Variants in ADAMTS17 observed in about 807,000 individuals in gnomAD.
ADAMTS17 encodes the protein A disintegrin and metalloproteinase with thrombospondin motifs 17.
In ADAMTS17, 113 loss-of-function variants were observed where a neutral mutation model predicts 141.5. That is an observed-to-expected ratio of 0.80 (90% CI 0.69 to 0.93). The LOEUF (loss-of-function observed/expected upper bound fraction) is 0.93. Among genes scored for constraint, ADAMTS17 ranks in the 40% least tolerant of loss-of-function variants. The pLI is 0.00. For synonymous variants in ADAMTS17, 768 were observed against 630.6 expected (o/e 1.22, Z -3.27); for missense variants, 1,659 against 1,517.9 (o/e 1.09, Z -1.54).
intron 7 of ADAMTS17, among the ~76,000 whole-genome samples, chr15:100,250,301 A>T (rs2043114034): frequency 6.6e-6 from 1 of 152,214 alleles, no homozygotes. Context: ...TTTCCTAGTT[A>T]TCTCGAGGTA....
At chr15:100,168,877 T>A (rs1334512659) in intron 8 of ADAMTS17, among the ~76,000 whole-genome samples, 1 of 152,246 alleles carries the variant, frequency 6.6e-6, no homozygotes, top group Non-Finnish European at 1.5e-5. Context: ...CTCCCGTTGA[T>A]GTCCCTGATT....
rs149633676 is a variant in ADAMTS17 at position 100,268,918 on chromosome 15, T to C, written c.790-6483A>G. 1.7e-3 allele frequency among the ~76,000 whole-genome samples: 266 copies of C among 152,174 alleles called. 1 individual carries two copies. Among genetic ancestry groups the C allele is most frequent in the African/African-American group, 6.2e-3 (256 of 41,482 alleles). On this transcript the variant is annotated intron_variant, in intron 4 of 21. Coordinates refer to ENST00000268070, the MANE Select transcript of ADAMTS17 (RefSeq NM_139057.4). The stretch of plus-strand genomic sequence containing the variant: ...CAGTAACCAAAAAACATAGCACTTA[T>C]ACAAAAACAAGACACACAGACCAAT...
At chr15:100,208,403 G>A (rs1034802531) in intron 7 of ADAMTS17, among the ~76,000 whole-genome samples, 1 of 152,226 alleles carries the variant, frequency 6.6e-6, no homozygotes, top group Non-Finnish European at 1.5e-5. Flanking sequence ...TACCTGTGCA[G>A]AGGGAAGGGG....
At chr15:100,194,251 C>T (rs995861898) in intron 8 of ADAMTS17, among the ~76,000 whole-genome samples, 2 of 152,064 alleles carry the variant, frequency 1.3e-5, no homozygotes, top group African/African-American at 2.4e-5. Context: ...TCCTGGGTTT[C>T]CCTAGGCCCA....
intron 7 of ADAMTS17, among the ~76,000 whole-genome samples, chr15:100,224,686 C>T (rs1333329455): frequency 6.6e-6 from 1 of 152,212 alleles, no homozygotes; most frequent in African/African-American, 2.4e-5. Flanking sequence ...CCTAGGATTA[C>T]ATCTCCCAAG....
intron 3 of ADAMTS17, among the ~76,000 whole-genome samples, chr15:100,299,792 C>A (rs951442117): frequency 2.0e-5 from 3 of 152,274 alleles, no homozygotes; most frequent in Admixed American, 1.3e-4. Flanking sequence ...GCAACCCACA[C>A]TCTTCACCTT....
chr15:100,146,033 T>G (rs8039945), intron 10 of ADAMTS17, among the ~76,000 whole-genome samples: 5 of 152,056 alleles, frequency 3.3e-5, no homozygotes, highest in Admixed American at 2.0e-4. Flanking sequence ...ATTAGCTGGG[T>G]GTGGTGGCGC....
chr15:100,022,545 T>C (rs1251835903), intron 18 of ADAMTS17, among the ~76,000 whole-genome samples: 2 of 152,186 alleles, frequency 1.3e-5, no homozygotes, highest in Non-Finnish European at 2.9e-5. Flanking sequence ...GCCGGGCAGA[T>C]GTTCTTCAGG....
chr15:100,318,236 A>G (rs59065804), intron 3 of ADAMTS17, among the ~76,000 whole-genome samples: 12,051 of 152,082 alleles, frequency 0.079, 969 homozygotes, highest in East Asian at 0.25. Context: ...GTCAGACAAC[A>G]AGAAGGACCT....
At chr15:100,058,308 C>CCCCTATCCCGGCTCTAACCCT in intron 15 of ADAMTS17, among the ~76,000 whole-genome samples, 1 of 19,498 alleles carries the variant, frequency 5.1e-5, no homozygotes, top group African/African-American at 2.3e-4. Flanking sequence ...GCTCTAACAC[C>CCCCTATCCCGGCTCTAACCCT]CCTATCCCGG....
At position 100,108,990 on chromosome 15, in the gene ADAMTS17, T is replaced by C. The variant is rs757782720; in HGVS notation, c.2015A>G (p.Gln672Arg). Residue 672 changes from glutamine (Q) to arginine (R), a missense_variant and splice_region_variant, in exon 14 of 22, where the codon CAG becomes CGG. Transcript: ENST00000268070. ...ETDLCVHGKC[Q>R]KIGCDGIIGS... ...AGGACCGAAGGAGAAGTACGTCACC[T>C]GGCACTTGCCGTGCACGCAGAGATC... The C allele has an allele frequency of 1.9e-6, 3 of 1,613,966 alleles. No homozygotes were observed. The highest frequency in any genetic ancestry group is 1.7e-6 in the Non-Finnish European group (2 of 1,180,002).
intron 20 of ADAMTS17, among the ~76,000 whole-genome samples, chr15:99,983,701 G>A (rs1361795236): frequency 6.6e-6 from 1 of 152,166 alleles, no homozygotes; most frequent in African/African-American, 2.4e-5. Flanking sequence ...TCTGGGGTGA[G>A]CACAAGCCCA....
rs992659688 is a variant in ADAMTS17 at position 100,205,396 on chromosome 15, G to A, written c.1076-5973C>T. On this transcript the variant is annotated intron_variant, in intron 7 of 21. Coordinates refer to ENST00000268070, the MANE Select transcript of ADAMTS17 (RefSeq NM_139057.4). ...CGGGAGAGGGGAAGGAAAGAGAAAC[G>A]AATAAGTGGTGATGTTCAAAAGGCC... 1.3e-4 allele frequency among the ~76,000 whole-genome samples: 20 copies of A among 152,280 alleles called. 1 individual carries two copies. The highest frequency in any genetic ancestry group is 5.2e-4 in the Admixed American group (8 of 15,304).
At chr15:100,261,674 C>A (rs1433566698) in intron 5 of ADAMTS17, 38 bp from the exon 6 acceptor site, 2 of 1,599,818 alleles carry the variant, frequency 1.3e-6, no homozygotes, top group South Asian at 2.3e-5. Flanking sequence ...AAACAAACGC[C>A]TGGGAGGCCA....
intron 7 of ADAMTS17, among the ~76,000 whole-genome samples, chr15:100,233,113 G>C (rs144949690): frequency 6.6e-6 from 1 of 152,302 alleles, no homozygotes; most frequent in African/African-American, 2.4e-5. Flanking sequence ...TGGATCACCT[G>C]AGGTCAGGAG....
intron 10 of ADAMTS17, among the ~76,000 whole-genome samples, chr15:100,137,866 A>G (rs1295707172): frequency 2.0e-5 from 3 of 151,466 alleles, no homozygotes; most frequent in African/African-American, 7.3e-5. Context: ...CCCTTTCACT[A>G]CCAACACCCA....
intron 18 of ADAMTS17, among the ~76,000 whole-genome samples, chr15:100,043,244 G>A (rs1027144278): frequency 1.3e-5 from 2 of 152,192 alleles, no homozygotes; most frequent in Non-Finnish European, 2.9e-5. Context: ...CAGATCTTAG[G>A]TGCTATTTTC....
chr15:100,051,689 A>G lies in ADAMTS17; in HGVS notation c.2338T>C (p.Tyr780His). 2 of 1,614,240 alleles carry G rather than the reference A, an allele frequency of 1.2e-6. No homozygotes were observed. Among genetic ancestry groups the G allele is most frequent in the Non-Finnish European group, 1.7e-6 (2 of 1,180,052 alleles). ...GCAGTGCGGTTTACAGGAACAGTGT[A>G]TTCATAATGAATTCCATAATCTTGG... ...HDQDYGIHYE[Y>H]TVPVNRTAEN... Residue 780 changes from tyrosine (Y) to histidine (H), a missense_variant, in exon 17 of 22, where the codon TAC becomes CAC. Tyr to His is a moderately conservative substitution (Grantham distance 83). Coordinates refer to ENST00000268070, the MANE Select transcript of ADAMTS17 (RefSeq NM_139057.4).
intron 15 of ADAMTS17, among the ~76,000 whole-genome samples, chr15:100,067,801 T>C (rs956362020): frequency 4.6e-5 from 7 of 152,076 alleles, no homozygotes; most frequent in Non-Finnish European, 2.9e-5. Flanking sequence ...TAGGAACAGC[T>C]CCAGTCTACA....
Sources: allele counts gnomAD v4.1 joint callset (sites outside exome capture counted in the v4.1 genomes callset), GRCh38; gene constraint gnomAD v4.1.1; transcripts MANE v1.5; gene names NCBI Gene and HGNC (gene_info 2026-07-23, HGNC 2026-07-21).